JPH3: variants seen among roughly 807,000 people sequenced by gnomAD.
JPH3 encodes junctophilin 3.
Under a neutral mutation model 59.6 loss-of-function variants are expected in JPH3, and 11 were observed. That is an observed-to-expected ratio of 0.18 (90% CI 0.12 to 0.31). JPH3 has a LOEUF of 0.31. Ranked by LOEUF, JPH3 falls within the 10% of genes least tolerant of loss-of-function variation. JPH3 has a pLI of 1.00. For missense variants in JPH3, 1,202 were observed against 1,105.7 expected, an observed-to-expected ratio of 1.09 and a Z score of -1.24; for synonymous variants, 673 against 483.6, an observed-to-expected ratio of 1.39 and a Z score of -5.14.
chr16:87,658,789 G>A (rs2032597656), intron 2 of JPH3, among the ~76,000 whole-genome samples: 1 of 152,260 alleles, frequency 6.6e-6, no homozygotes, highest in African/African-American at 2.4e-5. Context: ...GGGGCCTGCT[G>A]AGAGGGACAA....
intron 1 of JPH3, among the ~76,000 whole-genome samples, chr16:87,617,853 C>A (rs1483812829): frequency 6.6e-6 from 1 of 151,958 alleles, no homozygotes; most frequent in Non-Finnish European, 1.5e-5. Context: ...CTCCCACTCC[C>A]GGTGGCATTG....
intron 1 of JPH3, among the ~76,000 whole-genome samples, chr16:87,635,499 G>A (rs769199844): frequency 2.6e-5 from 4 of 152,182 alleles, no homozygotes; most frequent in African/African-American, 4.8e-5. Context: ...TCTGGCTTTC[G>A]GACCCAGACA....
At chr16:87,685,494 C>T (rs548215753) in intron 3 of JPH3, among the ~76,000 whole-genome samples, 2 of 152,388 alleles carry the variant, frequency 1.3e-5, no homozygotes, top group Admixed American at 6.5e-5. Context: ...CGCCCACGAC[C>T]AGCTGCCTGG....
At chr16:87,602,480 C>T (rs1241891005), upstream of JPH3, among the ~76,000 whole-genome samples, 4 of 117,700 alleles carry the variant, frequency 3.4e-5, no homozygotes, top group Non-Finnish European at 7.2e-5. Context: ...CGCGGGCGGG[C>T]GGGGTGCGGG....
intron 1 of JPH3, among the ~76,000 whole-genome samples, chr16:87,614,141 C>G (rs528371991): frequency 6.6e-6 from 1 of 152,358 alleles, no homozygotes; most frequent in Admixed American, 6.5e-5. Context: ...GTGGTGTGGA[C>G]ACAGAGCTGC....
In JPH3 at chr16:87,645,053, C is replaced by G; in HGVS notation, c.1160+18C>G. ...GCTTCCAGGTAGGAGGGCGAGGGGG[C>G]GGGGGGCCCTTCTTGGTGCCCAGAA... is the stretch of plus-strand genomic sequence containing the variant. On this transcript the variant is annotated intron_variant, in intron 2 of 4. Coordinates refer to ENST00000284262, the MANE Select transcript of JPH3 (RefSeq NM_020655.4). 6.3e-7 allele frequency: 1 copy of G among 1,587,490 alleles called. No individual in the cohort carries two copies. Among genetic ancestry groups the G allele is most frequent in the Non-Finnish European group, 8.5e-7 (1 of 1,173,328 alleles).
At chr16:87,680,552 G>A (rs920843342) in intron 2 of JPH3, among the ~76,000 whole-genome samples, 2 of 152,254 alleles carry the variant, frequency 1.3e-5, no homozygotes, top group African/African-American at 2.4e-5. Flanking sequence ...CAAGAAAGGC[G>A]GGATCTGTAA....
intron 2 of JPH3, among the ~76,000 whole-genome samples, chr16:87,648,874 G>A (rs371717701): frequency 1.6e-4 from 24 of 152,218 alleles, no homozygotes; most frequent in African/African-American, 2.4e-4. Context: ...CTAGGTGGGG[G>A]CCCCAGCACC....
intron 1 of JPH3, among the ~76,000 whole-genome samples, chr16:87,630,452 C>A (rs59840101): frequency 0.21 from 32,054 of 152,160 alleles, 3,520 homozygotes; most frequent in African/African-American, 0.24. Context: ...CCAGTCCTCC[C>A]TGGGGAGCAG....
intron 2 of JPH3, among the ~76,000 whole-genome samples, chr16:87,659,557 T>C (rs1417088221): frequency 6.6e-6 from 1 of 151,970 alleles, no homozygotes; most frequent in Non-Finnish European, 1.5e-5. Flanking sequence ...ATTCCATCTC[T>C]ACTAAAAATA....
At chr16:87,606,114 G>A (rs1341324765) in intron 1 of JPH3, among the ~76,000 whole-genome samples, 1 of 152,172 alleles carries the variant, frequency 6.6e-6, no homozygotes, top group Non-Finnish European at 1.5e-5. Context: ...TGTGGGGATC[G>A]CCAGAATGGG....
At chr16:87,623,081 C>T (rs1384465968) in intron 1 of JPH3, among the ~76,000 whole-genome samples, 2 of 152,190 alleles carry the variant, frequency 1.3e-5, no homozygotes, top group Non-Finnish European at 2.9e-5. Flanking sequence ...GATTCTGAGG[C>T]AGCAGTGGGG....
Position 87,644,280 on chromosome 16 carries a change from C to A in JPH3, c.405C>A (p.Val135=). ...SDGGTYQGQW[V]GGMRQGYGVR... ...CAGGGACCTACCAGGGCCAGTGGGT[C>A]GGTGGCATGCGCCAGGGCTACGGCG... Residue 135 remains valine (V), a synonymous_variant, in exon 2 of 5, where the codon GTC becomes GTA. Transcript: ENST00000284262. The A allele has an allele frequency of 6.2e-7, 1 of 1,610,244 alleles. No homozygotes were observed. The highest frequency in any genetic ancestry group is 8.5e-7 in the Non-Finnish European group (1 of 1,178,590).
At chr16:87,679,229 C>T (rs571935121) in intron 2 of JPH3, among the ~76,000 whole-genome samples, 4 of 152,274 alleles carry the variant, frequency 2.6e-5, no homozygotes, top group African/African-American at 9.6e-5. Flanking sequence ...TCCTTTATTG[C>T]TTAGGGTTTC....
At chr16:87,607,496 C>T (rs920739754) in intron 1 of JPH3, among the ~76,000 whole-genome samples, 4 of 152,234 alleles carry the variant, frequency 2.6e-5, no homozygotes, top group African/African-American at 4.8e-5. Flanking sequence ...TTTTCCACCC[C>T]GTCCCCCAGA....
chr16:87,617,928 T>C (rs1269432223), intron 1 of JPH3, among the ~76,000 whole-genome samples: 2 of 151,698 alleles, frequency 1.3e-5, no homozygotes, highest in African/African-American at 4.8e-5. Flanking sequence ...TTTGGGAGAC[T>C]GAGGTGGGCG....
At chr16:87,617,417 G>A (rs758600842) in intron 1 of JPH3, among the ~76,000 whole-genome samples, 13 of 152,096 alleles carry the variant, frequency 8.5e-5, no homozygotes, top group Non-Finnish European at 1.6e-4. Context: ...GTTTTCCTGT[G>A]CACAGATGTC....
chr16:87,645,486 C>T (rs576857940), intron 2 of JPH3, among the ~76,000 whole-genome samples: 67 of 152,270 alleles, frequency 4.4e-4, no homozygotes, highest in South Asian at 3.7e-3. Context: ...CCCAGACCTG[C>T]GATCTAGATT....
At chr16:87,631,782 G>A (rs1203232800) in intron 1 of JPH3, among the ~76,000 whole-genome samples, 1 of 151,940 alleles carries the variant, frequency 6.6e-6, no homozygotes, top group Non-Finnish European at 1.5e-5. Context: ...TCTAGTTTCT[G>A]AAAGATTTTC....
Sources: gnomAD v4.1 joint callset for allele counts (sites outside exome capture counted in the v4.1 genomes callset) on GRCh38, gnomAD v4.1.1 for gene constraint, MANE v1.5 for transcripts, NCBI Gene and HGNC (gene_info 2026-07-23, HGNC 2026-07-21) for gene names.